SLC7A1: variants seen among roughly 807,000 people sequenced by gnomAD.
The protein encoded by SLC7A1 is high affinity cationic amino acid transporter 1.
A neutral mutation model predicts 53.9 loss-of-function variants in SLC7A1; 10 were observed. That is an observed-to-expected ratio of 0.19 (90% confidence interval 0.11 to 0.31). The LOEUF is 0.31. SLC7A1 is among the 10% of genes least tolerant of loss of function. The pLI, the probability that SLC7A1 is intolerant of heterozygous loss-of-function variation, is 1.00. For synonymous variants in SLC7A1, 342 were observed against 338.7 expected (o/e 1.01, Z -0.11); for missense variants, 525 against 827.2 (o/e 0.63, Z 4.48).
At chr13:29,571,620 A>C (rs1264417930) in intron 1 of SLC7A1, among the ~76,000 whole-genome samples, 1 of 152,198 alleles carries the variant, frequency 6.6e-6, no homozygotes, top group Non-Finnish European at 1.5e-5. Flanking sequence ...GAAGCATTAC[A>C]CTTCATTAAG....
At chr13:29,514,817 A>G (rs1883508332) in intron 12 of SLC7A1, among the ~76,000 whole-genome samples, 1 of 152,212 alleles carries the variant, frequency 6.6e-6, no homozygotes, top group Non-Finnish European at 1.5e-5. Flanking sequence ...GGACGGCCTT[A>G]TGCTGCGGTG....
At chr13:29,520,395 C>A (rs1868584957) in intron 8 of SLC7A1, among the ~76,000 whole-genome samples, 1 of 152,142 alleles carries the variant, frequency 6.6e-6, no homozygotes, top group African/African-American at 2.4e-5. Context: ...CTAACCCAGG[C>A]AGGCGGGCAG....
chr13:29,592,298 G>C (rs1265067166), intron 1 of SLC7A1, among the ~76,000 whole-genome samples: 1 of 152,158 alleles, frequency 6.6e-6, no homozygotes, highest in Non-Finnish European at 1.5e-5. Context: ...CCCAATGAAA[G>C]CCACTGGGTG....
chr13:29,559,702 A>G (rs1478466888), intron 1 of SLC7A1, among the ~76,000 whole-genome samples: 1 of 151,962 alleles, frequency 6.6e-6, no homozygotes, highest in African/African-American at 2.4e-5. Flanking sequence ...TTTTTACTTT[A>G]CAAACTTTTT....
chr13:29,533,826 T>C (rs12428026), intron 3 of SLC7A1, among the ~76,000 whole-genome samples: 14,075 of 152,288 alleles, frequency 0.092, 1,749 homozygotes, highest in East Asian at 0.62. Flanking sequence ...TCTCAGGAAA[T>C]GTCACTAAAA....
At chr13:29,584,113 T>C (rs963098369) in intron 1 of SLC7A1, among the ~76,000 whole-genome samples, 2 of 109,314 alleles carry the variant, frequency 1.8e-5, no homozygotes, top group African/African-American at 5.0e-5. Context: ...TTGTAACTTT[T>C]TTTTTCTTTT....
chr13:29,589,784 G>T (rs551831836), intron 1 of SLC7A1, among the ~76,000 whole-genome samples: 1 of 152,254 alleles, frequency 6.6e-6, no homozygotes, highest in South Asian at 2.1e-4. Flanking sequence ...CTGGAGTCCA[G>T]GTACAGGCAG....
intron 2 of SLC7A1, among the ~76,000 whole-genome samples, chr13:29,540,448 G>A (rs1869613055): frequency 6.6e-6 from 1 of 152,182 alleles, no homozygotes; most frequent in Non-Finnish European, 1.5e-5. Flanking sequence ...AACACCAGGA[G>A]TAAAATGACC....
At chr13:29,569,655 A>G (rs1448136613) in intron 1 of SLC7A1, among the ~76,000 whole-genome samples, 1 of 152,246 alleles carries the variant, frequency 6.6e-6, no homozygotes, top group African/African-American at 2.4e-5. Flanking sequence ...GTCTAGTGAT[A>G]GGTTACAACA....
intron 1 of SLC7A1, among the ~76,000 whole-genome samples, chr13:29,554,140 T>C (rs9579402): frequency 0.065 from 9,952 of 152,200 alleles, 404 homozygotes; most frequent in Middle Eastern, 0.15. Flanking sequence ...AAGAGGAAGA[T>C]AGAAAAGCGT....
intron 1 of SLC7A1, among the ~76,000 whole-genome samples, chr13:29,592,196 TCA>T (rs1342058241): frequency 6.6e-6 from 1 of 151,856 alleles, no homozygotes; most frequent in Non-Finnish European, 1.5e-5. Context: ...CTTCCCTCAG[TCA>T]CACGGCTCTG....
chr13:29,515,578 C>T (rs1253887113), intron 12 of SLC7A1, among the ~76,000 whole-genome samples: 1 of 152,214 alleles, frequency 6.6e-6, no homozygotes, highest in East Asian at 1.9e-4. Flanking sequence ...CACTATGACT[C>T]AGATGCTGAG....
rs370198806 is a variant in SLC7A1 at position 29,517,170 on chromosome 13, C to T, written c.1651G>A (p.Glu551Lys). ...VVTGVIWRQP[E>K]SKTKLSFKVP... ...TTAAATGAGAGCTTGGTCTTGCTCT[C>T]GGGCTGCCTCCAGATGACGCCCGTG... Residue 551 changes from glutamate (E) to lysine (K), a missense_variant, in exon 11 of 13, where the codon GAG becomes AAG. By Grantham distance (56) the Glu-to-Lys change is moderately conservative (BLOSUM62 1). Coordinates refer to ENST00000380752, the MANE Select transcript of SLC7A1 (RefSeq NM_003045.5). 19 of 1,610,934 alleles carry T rather than the reference C, an allele frequency of 1.2e-5. No homozygotes were observed. The highest frequency in any genetic ancestry group is 1.7e-5 in the Admixed American group (1 of 59,532).
chr13:29,574,242 TA>T (rs1871315593), intron 1 of SLC7A1, among the ~76,000 whole-genome samples: 1 of 152,206 alleles, frequency 6.6e-6, no homozygotes, highest in Admixed American at 6.5e-5. Flanking sequence ...ACTTAATCAT[TA>T]AAAAACAGGG....
rs1403182424 is a variant in SLC7A1 at position 29,510,003 on chromosome 13, A to C, written c.*4477T>G. ...ATAGTCTGTCATCAAGAAACACAAA[A>C]TCATTTGCCTTGTTAATAAATTAAC... On this transcript the variant is annotated 3_prime_UTR_variant, in exon 13 of 13. Transcript: ENST00000380752. 1 of 152,614 alleles carries C rather than the reference A, an allele frequency of 6.6e-6. No individual in the cohort carries two copies. The highest frequency in any genetic ancestry group is 1.5e-5 in the Non-Finnish European group (1 of 68,034). The allele number at this position is 152,614 out of a possible 1,614,324, so 9.5% of individuals were successfully genotyped here. A position where few individuals can be genotyped will look rare whatever the true frequency, so the allele number is the denominator to read the frequency against.
At chr13:29,543,792 G>T (rs1869779233) in intron 2 of SLC7A1, among the ~76,000 whole-genome samples, 1 of 151,692 alleles carries the variant, frequency 6.6e-6, no homozygotes, top group Non-Finnish European at 1.5e-5. Flanking sequence ...TACAGGAGGA[G>T]GGAGGGGGTG....
intron 12 of SLC7A1, among the ~76,000 whole-genome samples, chr13:29,515,178 A>ACC (rs1156692958): frequency 1.3e-5 from 2 of 152,184 alleles, no homozygotes; most frequent in African/African-American, 4.8e-5. Flanking sequence ...ACACAGGAAA[A>ACC]CAGGCCTTAA....
intron 2 of SLC7A1, among the ~76,000 whole-genome samples, chr13:29,536,527 A>T (rs1255217121): frequency 6.6e-6 from 1 of 152,218 alleles, no homozygotes; most frequent in Non-Finnish European, 1.5e-5. Flanking sequence ...AACACACATT[A>T]ATGACATTGT....
chr13:29,532,159 G>C (rs899311312), intron 4 of SLC7A1, among the ~76,000 whole-genome samples: 1 of 152,184 alleles, frequency 6.6e-6, no homozygotes, highest in Non-Finnish European at 1.5e-5. Context: ...AACCCCAAAT[G>C]AGAATTTATC....
Sources: gnomAD v4.1 joint callset for allele counts (sites outside exome capture counted in the v4.1 genomes callset) on GRCh38, gnomAD v4.1.1 for gene constraint, MANE v1.5 for transcripts, NCBI Gene and HGNC (gene_info 2026-07-23, HGNC 2026-07-21) for gene names.